Variants in ZFHX3 observed in about 807,000 individuals in gnomAD.
The protein encoded by ZFHX3 is zinc finger homeobox 3.
Under a neutral mutation model 279.1 loss-of-function variants are expected in ZFHX3, and 42 were observed. The observed-to-expected ratio is 0.15, with a 90% CI of 0.12 to 0.19. The LOEUF is 0.19. Ranked by LOEUF, ZFHX3 falls within the 10% of genes least tolerant of loss-of-function variation. The pLI is 1.00. For synonymous variants in ZFHX3, 2,293 were observed against 1,957.8 expected (o/e 1.17, Z -4.52); for missense variants, 4,981 against 4,754.0 (o/e 1.05, Z -1.40).
chr16:73,584,700 C>T (rs777243986), intron 2 of ZFHX3, among the ~76,000 whole-genome samples: 18 of 152,232 alleles, frequency 1.2e-4, no homozygotes, highest in African/African-American at 3.9e-4. Flanking sequence ...ATGATGAAAT[C>T]GCCAAAAGCA....
intron 3 of ZFHX3, among the ~76,000 whole-genome samples, chr16:73,426,301 G>A (rs1328787579): frequency 1.3e-5 from 2 of 152,200 alleles, no homozygotes; most frequent in Admixed American, 1.3e-4. Context: ...TTGTTTGTTT[G>A]TTTGCAAACT....
At chr16:73,636,233 T>C (rs2052525997) in intron 2 of ZFHX3, among the ~76,000 whole-genome samples, 1 of 152,290 alleles carries the variant, frequency 6.6e-6, no homozygotes, top group East Asian at 1.9e-4. Context: ...TCTTCAAAAC[T>C]AAACTCATTA....
intron 1 of ZFHX3, among the ~76,000 whole-genome samples, chr16:73,846,787 A>G (rs1054864179): frequency 6.6e-6 from 1 of 152,232 alleles, no homozygotes; most frequent in Non-Finnish European, 1.5e-5. Context: ...TAAAAGACAC[A>G]TTAATAAAAA....
At chr16:73,325,566 G>A (rs922902563) in intron 3 of ZFHX3, among the ~76,000 whole-genome samples, 9 of 152,050 alleles carry the variant, frequency 5.9e-5, no homozygotes, top group East Asian at 3.9e-4. Flanking sequence ...AGGTAGGTGC[G>A]AAGTAGCTCT....
chr16:73,605,429 G>A (rs1367143977), intron 2 of ZFHX3, among the ~76,000 whole-genome samples: 2 of 152,134 alleles, frequency 1.3e-5, no homozygotes, highest in East Asian at 3.9e-4. Flanking sequence ...CGTTAAATCA[G>A]CTAATCTTTC....
At chr16:73,857,149 C>T (rs542706309) in intron 1 of ZFHX3, among the ~76,000 whole-genome samples, 3 of 152,322 alleles carry the variant, frequency 2.0e-5, no homozygotes, top group East Asian at 3.9e-4. Context: ...CTGAACTATT[C>T]CTAAATGCAG....
chr16:73,797,529 T>A lies in ZFHX3; in HGVS notation c.-1608+94122A>T, dbSNP rs551868660. Among the ~76,000 whole-genome samples, 3 of 152,200 alleles carry A rather than the reference T, an allele frequency of 2.0e-5. No homozygotes were observed. The East Asian group carries it at 5.8e-4, about 29-fold the overall frequency. ...AGAGGTTTAGGCCCAGGGAGGTCAG[T>A]GGAAATTATAAATCTGTGATGGCCA... On this transcript the variant is annotated intron_variant, in intron 1 of 17. Transcript: ENST00000641206.
chr16:73,008,436 A>T (rs1455339941), intron 1 of ZFHX3, among the ~76,000 whole-genome samples: 6 of 151,670 alleles, frequency 4.0e-5, no homozygotes, highest in Non-Finnish European at 5.9e-5. Context: ...TCTGGCAAAT[A>T]AAAAAAAACC....
rs751045075 is a variant in ZFHX3 at position 72,959,473 on chromosome 16, T to C, written c.673A>G (p.Ser225Gly). Residue 225 changes from serine (S) to glycine (G), a missense_variant, in exon 2 of 10, where the codon AGC (serine) becomes GGC (glycine). Ser to Gly is a moderately conservative substitution (Grantham distance 56, BLOSUM62 0). Around this residue, in one of 7 missense-constraint regions of ZFHX3, gnomAD observed 1,068 missense variants for 935.2 expected, o/e 1.14. Coordinates refer to ENST00000268489, the MANE Select transcript of ZFHX3 (RefSeq NM_006885.4). ...FPNTSALAGL[S>G]PVLHSFRVFD... ...ACGCGGAAGCTGTGCAGGACGGGGCTGAGCCCCGCCAGGGCTGAGGTATTC... is the reference window on the plus strand; with the variant it reads ...ACGCGGAAGCTGTGCAGGACGGGGCCGAGCCCCGCCAGGGCTGAGGTATTC... 2 of 1,614,262 alleles carry C rather than the reference T, an allele frequency of 1.2e-6. No individual in the cohort carries two copies. Among genetic ancestry groups the C allele is most frequent in the East Asian group, 2.2e-5 (1 of 44,888 alleles).
chr16:73,073,124 T>C (rs189342687), intron 8 of ZFHX3, among the ~76,000 whole-genome samples: 1 of 152,114 alleles, frequency 6.6e-6, no homozygotes, highest in African/African-American at 2.4e-5. Flanking sequence ...CTCAAACTCC[T>C]GAGCTCTGGC....
chr16:73,110,525 A>T (rs1330409161), intron 7 of ZFHX3, among the ~76,000 whole-genome samples: 1 of 152,092 alleles, frequency 6.6e-6, no homozygotes, highest in Non-Finnish European at 1.5e-5. Context: ...ACACTCCTAA[A>T]ATTTCCATAC....
exon 1 of ZFHX3, chr16:73,059,229 A>AC (rs1965642192): frequency 6.6e-6 from 1 of 150,592 alleles, no homozygotes; most frequent in Non-Finnish European, 1.5e-5. Flanking sequence ...AAAAAAAAAA[A>AC]AACAGGGGAA....
rs543290015 is a variant in ZFHX3, at chr16:73,255,821, C to T, written c.-1104+1226G>A. On this transcript the variant is annotated intron_variant, in intron 5 of 17. Transcript: ENST00000641206. ...CCTGTACTGGCTACTGAACTGGATACAGCATGGTCTGAGTGGTTTTCTGAT... is the reference window on the plus strand; with the variant it reads ...CCTGTACTGGCTACTGAACTGGATATAGCATGGTCTGAGTGGTTTTCTGAT... 2.6e-5 allele frequency among the ~76,000 whole-genome samples: 4 copies of T among 152,302 alleles called. No individual in the cohort carries two copies. In the South Asian group the frequency reaches 8.3e-4, roughly 32 times the overall value.
chr16:73,633,231 T>C (rs186196597), intron 2 of ZFHX3, among the ~76,000 whole-genome samples: 2 of 152,316 alleles, frequency 1.3e-5, no homozygotes, highest in South Asian at 2.1e-4. Flanking sequence ...GAGATCGAAA[T>C]TGAGAAGGAG....
chr16:73,188,008 C>A (rs1052366498), intron 5 of ZFHX3, among the ~76,000 whole-genome samples: 1 of 152,066 alleles, frequency 6.6e-6, no homozygotes, highest in Non-Finnish European at 1.5e-5. Context: ...ACTACAGGCG[C>A]CTGCCACCAC....
In ZFHX3 at chr16:72,811,621, G is replaced by T. The variant is rs756558791; in HGVS notation, c.3820C>A (p.Leu1274Ile). 6.2e-7 allele frequency: 1 copy of T among 1,612,094 alleles called. No individual in the cohort carries two copies. The highest frequency in any genetic ancestry group is 8.5e-7 in the Non-Finnish European group (1 of 1,178,908). ...KIHLQLHLTH[L>I]HSVAPDCVEK... Reference sequence around the variant, plus strand: ...ACGCAGTCAGGTGCCACGCTGTGGAGGTGGGTGAGGTGCAGCTGGAGGTGG... The same window carrying T: ...ACGCAGTCAGGTGCCACGCTGTGGATGTGGGTGAGGTGCAGCTGGAGGTGG... Residue 1274 changes from leucine (L) to isoleucine (I), a missense_variant, in exon 7 of 10, where the codon CTC becomes ATC. Leu to Ile is a conservative substitution (Grantham distance 5). Coordinates refer to ENST00000268489, the MANE Select transcript of ZFHX3 (RefSeq NM_006885.4).
chr16:73,462,905 A>G (rs1451543822), intron 2 of ZFHX3, among the ~76,000 whole-genome samples: 1 of 152,200 alleles, frequency 6.6e-6, no homozygotes, highest in East Asian at 1.9e-4. Context: ...TGGGTTTGGC[A>G]TCAATATAGT....
intron 2 of ZFHX3, chr16:73,483,368 A>T (rs1051867025): frequency 1.1e-5 from 5 of 454,952 alleles, no homozygotes; most frequent in African/African-American, 1.0e-4. Context: ...AGAGAGAGAG[A>T]GTTCCTCAAG....
chr16:73,166,979 TC>T (rs1967390075), intron 5 of ZFHX3, among the ~76,000 whole-genome samples: 1 of 152,130 alleles, frequency 6.6e-6, no homozygotes, highest in African/African-American at 2.4e-5. Context: ...CCTCATGATT[TC>T]CCCGAATGAG....
Sources: allele counts gnomAD v4.1 joint callset (sites outside exome capture counted in the v4.1 genomes callset), GRCh38; gene constraint gnomAD v4.1.1; regional missense constraint gnomAD v4.1.1; transcripts MANE v1.5; gene names NCBI Gene and HGNC (gene_info 2026-07-23, HGNC 2026-07-21).